PVT1: variants seen among roughly 807,000 people sequenced by gnomAD.
PVT1 encodes the protein CXCR4/PVT1 fusion.
At chr8:127,908,275 C>T (rs1355802895) in intron 3 of PVT1, among the ~76,000 whole-genome samples, 1 of 151,886 alleles carries the variant, frequency 6.6e-6, no homozygotes, top group African/African-American at 2.4e-5. Flanking sequence ...TCTTCATTAT[C>T]TGTGCATGCA....
chr8:127,995,600 C>G (rs536415822), intron 4 of PVT1, among the ~76,000 whole-genome samples: 62 of 152,222 alleles, frequency 4.1e-4, no homozygotes, highest in Non-Finnish European at 6.8e-4. Context: ...TAATAAAGTA[C>G]TATCCTTATA....
At chr8:128,011,059 A>G (rs1331214338) in intron 4 of PVT1, among the ~76,000 whole-genome samples, 3 of 152,092 alleles carry the variant, frequency 2.0e-5, no homozygotes, top group Non-Finnish European at 4.4e-5. Flanking sequence ...GTAAATTCCA[A>G]ATTTACCCAG....
intron 2 of PVT1, among the ~76,000 whole-genome samples, chr8:127,859,904 T>C (rs1405463039): frequency 6.6e-6 from 1 of 151,938 alleles, no homozygotes; most frequent in African/African-American, 2.4e-5. Flanking sequence ...GGCTGAGTCA[T>C]ACAGATCCTG....
chr8:127,962,415 C>A (rs955196718), intron 3 of PVT1, among the ~76,000 whole-genome samples: 1 of 152,154 alleles, frequency 6.6e-6, no homozygotes, highest in Non-Finnish European at 1.5e-5. Flanking sequence ...TAAGCCAGCA[C>A]CTTGAGTTGG....
At chr8:127,817,902 A>AT (rs1323185616) in intron 2 of PVT1, among the ~76,000 whole-genome samples, 1 of 151,894 alleles carries the variant, frequency 6.6e-6, no homozygotes, top group East Asian at 1.9e-4. Context: ...ATGTGTAGAG[A>AT]TTAACTCGGA....
At chr8:127,867,893 T>C (rs920774666) in intron 2 of PVT1, among the ~76,000 whole-genome samples, 3 of 152,144 alleles carry the variant, frequency 2.0e-5, no homozygotes, top group Non-Finnish European at 2.9e-5. Flanking sequence ...GAAGTATGCC[T>C]TCACTGAGGG....
At chr8:127,932,598 C>T (rs750499195) in intron 3 of PVT1, 15 of 398,450 alleles carry the variant, frequency 3.8e-5, no homozygotes, top group Non-Finnish European at 6.2e-5. Context: ...GAACTCTGTG[C>T]AGATTCGCTG....
At chr8:127,834,668 C>A (rs1162260252) in intron 2 of PVT1, among the ~76,000 whole-genome samples, 1 of 152,070 alleles carries the variant, frequency 6.6e-6, no homozygotes, top group Non-Finnish European at 1.5e-5. Context: ...TGCAATCTAT[C>A]CATCTGACCA....
At chr8:128,019,027 G>C (rs1339628687) in intron 4 of PVT1, among the ~76,000 whole-genome samples, 1 of 152,202 alleles carries the variant, frequency 6.6e-6, no homozygotes, top group Non-Finnish European at 1.5e-5. Flanking sequence ...TGTCTAGCTG[G>C]TCTGGGCTGC....
At chr8:127,841,681 A>C (rs1432269953) in intron 2 of PVT1, among the ~76,000 whole-genome samples, 1 of 152,052 alleles carries the variant, frequency 6.6e-6, no homozygotes, top group Non-Finnish European at 1.5e-5. Flanking sequence ...CTCATCACAG[A>C]TGCAATTTTG....
intron 3 of PVT1, among the ~76,000 whole-genome samples, chr8:127,981,973 C>T (rs1322932333): frequency 6.6e-6 from 1 of 152,212 alleles, no homozygotes; most frequent in Non-Finnish European, 1.5e-5. Context: ...GTGGTCCTCA[C>T]ATTCCCTTCA....
Position 127,954,585 on chromosome 8 carries a change from G to A in PVT1, n.783-34577G>A, listed in dbSNP as rs573121120. Among the ~76,000 whole-genome samples, 964 of 152,272 alleles carry A rather than the reference G, an allele frequency of 6.3e-3. 2 individuals carry two copies. Among genetic ancestry groups the A allele is most frequent in the Non-Finnish European group, 0.011 (736 of 68,024 alleles). Reference sequence around the variant, plus strand: ...TGGGATTACAGGCATGAGCCACTGCGCCAGGCCAACAAGTACTCACTTCTA... The same window carrying A: ...TGGGATTACAGGCATGAGCCACTGCACCAGGCCAACAAGTACTCACTTCTA... On this transcript the variant is annotated intron_variant and non_coding_transcript_variant, in intron 3 of 10. Coordinates refer to ENST00000651587, the Ensembl canonical transcript of PVT1.
In PVT1 at chr8:128,038,001, A is replaced by C. The variant is rs142813104; in HGVS notation, n.913-32159A>C. Among the ~76,000 whole-genome samples, 574 of 152,336 alleles carry C rather than the reference A, an allele frequency of 3.8e-3. 3 individuals carry two copies. Among genetic ancestry groups the C allele is most frequent in the African/African-American group, 0.013 (551 of 41,582 alleles). On this transcript the variant is annotated intron_variant and non_coding_transcript_variant, in intron 4 of 10. Transcript: ENST00000651587. ...TATTCCTCTACTTTCTTATCTAAAA[A>C]TATCTGCCAGTGGGAGTTCCTGATC... is the stretch of plus-strand genomic sequence containing the variant.
intron 4 of PVT1, among the ~76,000 whole-genome samples, chr8:128,006,942 T>C (rs983451869): frequency 1.3e-5 from 2 of 152,224 alleles, no homozygotes; most frequent in Non-Finnish European, 2.9e-5. Flanking sequence ...GTGTACACTT[T>C]GCCTGGTCCA....
intron 3 of PVT1, among the ~76,000 whole-genome samples, chr8:127,892,653 C>G (rs574205559): frequency 5.3e-5 from 8 of 152,272 alleles, no homozygotes; most frequent in African/African-American, 1.7e-4. Context: ...AACAAGGCCC[C>G]TTCAGCTGAA....
At chr8:127,989,467 G>A (rs1174937156) in intron 4 of PVT1, among the ~76,000 whole-genome samples, 3 of 152,124 alleles carry the variant, frequency 2.0e-5, no homozygotes, top group African/African-American at 7.2e-5. Context: ...GGTTCTCAGA[G>A]TCTAGTCCAC....
intron 3 of PVT1, among the ~76,000 whole-genome samples, chr8:127,897,394 A>G (rs931579109): frequency 6.6e-6 from 1 of 152,116 alleles, no homozygotes; most frequent in Admixed American, 6.6e-5. Context: ...TCAGCTGTCC[A>G]TAGGAAGAGC....
intron 4 of PVT1, among the ~76,000 whole-genome samples, chr8:128,028,575 ACT>A (rs1310023127): frequency 6.6e-6 from 1 of 151,986 alleles, no homozygotes; most frequent in Non-Finnish European, 1.5e-5. Flanking sequence ...CGAGCGCCTC[ACT>A]CTGCCATCTC....
chr8:127,993,813 T>G (rs1457151650), intron 4 of PVT1, among the ~76,000 whole-genome samples: 1 of 152,218 alleles, frequency 6.6e-6, no homozygotes, highest in Non-Finnish European at 1.5e-5. Context: ...TTTCTCATCC[T>G]TTCTCCTTTC....
Sources: allele counts gnomAD v4.1 joint callset (sites outside exome capture counted in the v4.1 genomes callset), GRCh38; gene constraint gnomAD v4.1.1; transcripts MANE v1.5; gene names NCBI Gene and HGNC (gene_info 2026-07-23, HGNC 2026-07-21).